ARID2: variants seen among roughly 807,000 people sequenced by gnomAD.
The protein encoded by ARID2 is AT-rich interaction domain 2.
A neutral mutation model predicts 184.6 loss-of-function variants in ARID2; 32 were observed. That is an observed-to-expected ratio of 0.17 (90% CI 0.13 to 0.23). The LOEUF is 0.23. ARID2 is among the 10% of genes least tolerant of loss of function. The probability of loss-of-function intolerance (pLI) is 1.00; values close to 1 mark genes in which losing one functional copy is unlikely to be tolerated. For synonymous variants in ARID2, 836 were observed against 772.6 expected (o/e 1.08, Z -1.36); for missense variants, 1,696 against 2,197.6 (o/e 0.77, Z 4.56).
rs1298984300 is a variant in ARID2 at position 45,775,730 on chromosome 12, G to A, written c.285-35688G>A. On this transcript the variant is annotated intron_variant, in intron 3 of 20. Transcript: ENST00000334344. ...GTATGCTCTAAAATAAAGGCATACT[G>A]TGTTAATTTTACTGCCAGATGGATG... Among the ~76,000 whole-genome samples, 5 of 152,148 alleles carry A rather than the reference G, an allele frequency of 3.3e-5. No individual in the cohort carries two copies. The South Asian group carries it at 8.3e-4, about 25-fold the overall frequency.
At chr12:45,763,112 A>G (rs1485557510) in intron 3 of ARID2, among the ~76,000 whole-genome samples, 2 of 152,228 alleles carry the variant, frequency 1.3e-5, no homozygotes, top group Admixed American at 6.5e-5. Context: ...AGAATTGTGT[A>G]TTACTATTCT....
intron 16 of ARID2, among the ~76,000 whole-genome samples, chr12:45,891,076 A>C (rs965090083): frequency 3.9e-5 from 6 of 152,066 alleles, no homozygotes; most frequent in African/African-American, 1.4e-4. Flanking sequence ...GAAGCAGAAG[A>C]AGCACTTGAA....
At chr12:45,742,646 T>A (rs1416473686) in intron 3 of ARID2, among the ~76,000 whole-genome samples, 1 of 152,214 alleles carries the variant, frequency 6.6e-6, no homozygotes, top group Non-Finnish European at 1.5e-5. Context: ...AATGTTCCCA[T>A]CGTGTAGCTA....
At chr12:45,744,149 A>C (rs945605389) in intron 3 of ARID2, among the ~76,000 whole-genome samples, 1 of 152,222 alleles carries the variant, frequency 6.6e-6, no homozygotes. Flanking sequence ...ATTAGTAGGG[A>C]AAATGGAAAC....
chr12:45,904,354 A>C, intron 20 of ARID2: 1 of 716,396 alleles, frequency 1.4e-6, no homozygotes, highest in Non-Finnish European at 2.6e-6. Flanking sequence ...ACATGAATGA[A>C]GATTGAAAAA....
chr12:45,794,686 G>A (rs1468935159), intron 3 of ARID2, among the ~76,000 whole-genome samples: 2 of 152,132 alleles, frequency 1.3e-5, no homozygotes, highest in African/African-American at 2.4e-5. Flanking sequence ...CATTCGTCTT[G>A]CGTACTTTAA....
intron 5 of ARID2, among the ~76,000 whole-genome samples, chr12:45,820,024 G>A (rs1385523960): frequency 1.3e-5 from 2 of 152,086 alleles, no homozygotes; most frequent in African/African-American, 4.8e-5. Context: ...GATTACAGGT[G>A]TGAGCCACCA....
chr12:45,895,709 A>C (rs1226678371), intron 20 of ARID2, among the ~76,000 whole-genome samples: 1 of 151,926 alleles, frequency 6.6e-6, no homozygotes, highest in African/African-American at 2.4e-5. Flanking sequence ...TAATTTTTGT[A>C]TTTTTAGTAG....
intron 3 of ARID2, among the ~76,000 whole-genome samples, chr12:45,777,884 G>A (rs190543868): frequency 6.6e-6 from 1 of 150,424 alleles, no homozygotes; most frequent in Admixed American, 6.6e-5. Context: ...TTAACAAACT[G>A]GACTATTTAG....
chr12:45,829,851 G>A (rs774778777), intron 6 of ARID2, among the ~76,000 whole-genome samples: 9 of 143,092 alleles, frequency 6.3e-5, no homozygotes, highest in Non-Finnish European at 1.4e-4. Context: ...ATTCTGAGCA[G>A]CATTCTGGGT....
chr12:45,809,044 C>T (rs1029413380), intron 3 of ARID2, among the ~76,000 whole-genome samples: 4 of 152,160 alleles, frequency 2.6e-5, no homozygotes, highest in African/African-American at 7.2e-5. Flanking sequence ...GGATTACAGG[C>T]GTGAGCCACT....
chr12:45,868,996 A>T (rs1023376301), intron 16 of ARID2, among the ~76,000 whole-genome samples: 3 of 149,762 alleles, frequency 2.0e-5, no homozygotes, highest in African/African-American at 7.5e-5. Flanking sequence ...CAAGAAAGGC[A>T]TGTTGGGATT....
At chr12:45,775,145 G>T (rs146223163) in intron 3 of ARID2, among the ~76,000 whole-genome samples, 1 of 152,178 alleles carries the variant, frequency 6.6e-6, no homozygotes, top group African/African-American at 2.4e-5. Context: ...CATGATTCTT[G>T]CAGGTTTGAG....
At chr12:45,811,670 A>T (rs1942711168) in intron 4 of ARID2, 119 bp downstream of exon 4, 2 of 1,017,456 alleles carry the variant, frequency 2.0e-6, no homozygotes, top group Admixed American at 3.6e-5. Context: ...CCTTAAGGTA[A>T]TGCAGCTTTC....
In ARID2 at chr12:45,830,248, T is replaced by G. The variant is rs546880654; in HGVS notation, c.706-6341T>G. Among the ~76,000 whole-genome samples the G allele has an allele frequency of 1.2e-4, 18 of 152,276 alleles. No individual in the cohort carries two copies. In the South Asian group the frequency reaches 3.7e-3, roughly 32 times the overall value. On this transcript the variant is annotated intron_variant, in intron 6 of 20. Transcript: ENST00000334344. Reference sequence around the variant, plus strand: ...CAGCAGACCAGTTTTTGTAGGGTTTTTGTACAGATTGGATTGAAAGTTCAT... The same window carrying G: ...CAGCAGACCAGTTTTTGTAGGGTTTGTGTACAGATTGGATTGAAAGTTCAT...
intron 3 of ARID2, among the ~76,000 whole-genome samples, chr12:45,772,478 G>C (rs1283306431): frequency 6.6e-6 from 1 of 152,056 alleles, no homozygotes; most frequent in Non-Finnish European, 1.5e-5. Flanking sequence ...AAAAAATACA[G>C]AACTCAACTC....
Position 45,907,759 on chromosome 12 carries a change from A to C in ARID2, c.*2681A>C, listed in dbSNP as rs908327226. 2.6e-5 allele frequency: 6 copies of C among 232,754 alleles called. No homozygotes were observed. Among genetic ancestry groups the C allele is most frequent in the Non-Finnish European group, 5.1e-5 (6 of 117,592 alleles). 14.4% of individuals were successfully genotyped at this position (232,754 alleles called of 1,614,324 possible). A position where few individuals can be genotyped will look rare whatever the true frequency, so the allele number is the denominator to read the frequency against. ...ACATGCTTTAATGTTATCTTTGAGA[A>C]ATCTATGTAAATAATATAGTCTACA... On this transcript the variant is annotated 3_prime_UTR_variant, in exon 21 of 21. Transcript: ENST00000334344.
chr12:45,828,997 C>G (rs1943058550), intron 6 of ARID2, among the ~76,000 whole-genome samples: 1 of 151,904 alleles, frequency 6.6e-6, no homozygotes, highest in South Asian at 2.1e-4. Context: ...TTTTGCCAAC[C>G]ATGAGGTCAA....
intron 16 of ARID2, among the ~76,000 whole-genome samples, chr12:45,863,999 G>T (rs1323032247): frequency 6.6e-6 from 1 of 151,928 alleles, no homozygotes; most frequent in African/African-American, 2.4e-5. Context: ...GAGACTACAG[G>T]TGCATGCCGC....
Sources: gnomAD v4.1 joint callset for allele counts (sites outside exome capture counted in the v4.1 genomes callset) on GRCh38, gnomAD v4.1.1 for gene constraint, MANE v1.5 for transcripts, NCBI Gene and HGNC (gene_info 2026-07-23, HGNC 2026-07-21) for gene names.